The following NOS1 variants were observed in gnomAD, a reference collection of about 807,000 sequenced individuals.
NOS1 encodes the protein nitric oxide synthase 1.
Under a neutral mutation model 164.5 loss-of-function variants are expected in NOS1, and 51 were observed. That is an observed-to-expected ratio of 0.31 (90% CI 0.25 to 0.39). The LOEUF (loss-of-function observed/expected upper bound fraction) is 0.39, where lower values mean the gene tolerates loss of function less well. NOS1 is among the 10% of genes least tolerant of loss of function. The pLI is 1.00. For missense variants in NOS1, 1,362 were observed against 1,885.6 expected (o/e 0.72, Z 5.14); for synonymous variants, 719 against 745.8 (o/e 0.96, Z 0.59).
In NOS1 at chr12:117,215,222, G is replaced by A. The variant is rs574125138; in HGVS notation, c.*87C>T. The A allele has an allele frequency of 6.4e-6, 9 of 1,403,158 alleles. No homozygotes were observed. Among genetic ancestry groups the A allele is most frequent in the East Asian group, 5.2e-5 (2 of 38,550 alleles). 86.9% of individuals were successfully genotyped at this position (1,403,158 alleles called of 1,614,324 possible). A position where few individuals can be genotyped will look rare whatever the true frequency, so the allele number is the denominator to read the frequency against. On this transcript the variant is annotated 3_prime_UTR_variant, in exon 29 of 29. Coordinates refer to ENST00000317775, the MANE Select transcript of NOS1 (RefSeq NM_000620.5). ...CAGCGACAAGGACAGGAGGCAGAGC[G>A]AGGGCCACAGGGGGTCCCAGAGGAA...
chr12:117,227,281 T>C (rs1399471286), intron 23 of NOS1, 150 bp downstream of exon 23: 3 of 734,330 alleles, frequency 4.1e-6, no homozygotes, highest in Non-Finnish European at 6.8e-6. Flanking sequence ...ACAGTTCACC[T>C]GCTGCTTCTT....
intron 1 of NOS1, among the ~76,000 whole-genome samples, chr12:117,359,649 C>A (rs921036319): frequency 1.3e-5 from 2 of 151,888 alleles, no homozygotes; most frequent in African/African-American, 4.8e-5. Context: ...TGGCTGCGTG[C>A]GCGCTTTTCT....
chr12:117,338,444 G>A (rs1201373215), intron 1 of NOS1, among the ~76,000 whole-genome samples: 1 of 135,504 alleles, frequency 7.4e-6, no homozygotes, highest in Non-Finnish European at 1.5e-5. Context: ...CACAGGAAGG[G>A]GAACATCACA....
rs113261678 is a variant in NOS1 at position 117,238,731 on chromosome 12, G to T, written c.3041+3896C>A. ...AGGGTTTCACCATGCTGGCCAGACT[G>T]GTCTCAAACTCCTGACCTCATGATC... On this transcript the variant is annotated intron_variant, in intron 20 of 28. Coordinates refer to ENST00000317775, the MANE Select transcript of NOS1 (RefSeq NM_000620.5). Among the ~76,000 whole-genome samples, 73 of 152,042 alleles carry T rather than the reference G, an allele frequency of 4.8e-4. 1 individual carries two copies. The highest frequency in any genetic ancestry group is 2.1e-4 in the Non-Finnish European group (14 of 68,012).
At chr12:117,226,264 A>G (rs1213235886) in intron 24 of NOS1, among the ~76,000 whole-genome samples, 2 of 152,184 alleles carry the variant, frequency 1.3e-5, no homozygotes, top group Admixed American at 1.3e-4. Flanking sequence ...TTACAGCTGA[A>G]TTTGGGAGGA....
At position 117,321,073 on chromosome 12, in the gene NOS1, G is replaced by A. The variant is rs575661705; in HGVS notation, c.725+9272C>T. On this transcript the variant is annotated intron_variant, in intron 2 of 28. Coordinates refer to ENST00000317775, the MANE Select transcript of NOS1 (RefSeq NM_000620.5). The stretch of plus-strand genomic sequence containing the variant: ...TGCCCAGGCTGGAGTGCGGTGGCAC[G>A]GTCTCGGCTCACGGCAGCCTCTGCC... Among the ~76,000 whole-genome samples the A allele has an allele frequency of 1.5e-3, 229 of 152,250 alleles. 1 individual carries two copies. The Middle Eastern group carries it at 0.021, about 14-fold the overall frequency.
At chr12:117,327,576 C>T (rs1272541537) in intron 2 of NOS1, among the ~76,000 whole-genome samples, 2 of 152,158 alleles carry the variant, frequency 1.3e-5, no homozygotes, top group Non-Finnish European at 2.9e-5. Context: ...CTTCAAATCT[C>T]CCCCAGCCAG....
intron 17 of NOS1, among the ~76,000 whole-genome samples, chr12:117,247,871 G>A (rs1280565724): frequency 2.6e-5 from 4 of 151,364 alleles, no homozygotes; most frequent in African/African-American, 9.7e-5. Context: ...GTGTGAACCC[G>A]GGAGGCGGAG....
At chr12:117,344,135 A>G (rs992008857) in intron 1 of NOS1, among the ~76,000 whole-genome samples, 10 of 152,250 alleles carry the variant, frequency 6.6e-5, no homozygotes, top group African/African-American at 2.4e-4. Context: ...AACTAGTACC[A>G]AGGACAGGAG....
At chr12:117,319,779 C>T (rs1174977922) in intron 2 of NOS1, among the ~76,000 whole-genome samples, 1 of 152,210 alleles carries the variant, frequency 6.6e-6, no homozygotes. Context: ...TTGAGTTCCT[C>T]TCTTTGGAGG....
intron 11 of NOS1, among the ~76,000 whole-genome samples, chr12:117,265,795 T>C (rs749305084): frequency 7.2e-5 from 11 of 151,836 alleles, no homozygotes; most frequent in Non-Finnish European, 1.6e-4. Context: ...TCTTTCTTTC[T>C]TTTTCTTTTT....
chr12:117,267,741 C>T (rs1872526639), intron 11 of NOS1, among the ~76,000 whole-genome samples: 1 of 152,080 alleles, frequency 6.6e-6, no homozygotes, highest in Admixed American at 6.6e-5. Flanking sequence ...TAGTCTGAGG[C>T]CCTAAGAGAT....
At chr12:117,298,061 G>A (rs760888501) in intron 3 of NOS1, among the ~76,000 whole-genome samples, 6 of 151,980 alleles carry the variant, frequency 3.9e-5, no homozygotes, top group Non-Finnish European at 7.4e-5. Context: ...TACATTGATC[G>A]TGTGCACTAT....
intron 2 of NOS1, among the ~76,000 whole-genome samples, chr12:117,314,050 G>C (rs11836446): frequency 1.3e-5 from 2 of 152,112 alleles, no homozygotes; most frequent in Admixed American, 6.6e-5. Context: ...CTGAGAGCAC[G>C]ATCCCCAGTG....
At chr12:117,323,998 C>T (rs1365569714) in intron 2 of NOS1, among the ~76,000 whole-genome samples, 5 of 151,772 alleles carry the variant, frequency 3.3e-5, no homozygotes, top group South Asian at 2.1e-4. Context: ...CCATGTTGGC[C>T]AGGCTGACCT....
intron 1 of NOS1, among the ~76,000 whole-genome samples, chr12:117,333,669 C>T (rs1373846719): frequency 4.6e-5 from 7 of 152,304 alleles, no homozygotes; most frequent in Admixed American, 2.0e-4. Context: ...CTCCATCTGG[C>T]GTTGCTCTGT....
chr12:117,320,095 C>T lies in NOS1; in HGVS notation c.726-8503G>A, dbSNP rs1161096478. Among the ~76,000 whole-genome samples the T allele has an allele frequency of 2.0e-5, 3 of 152,160 alleles. No homozygotes were observed. In the East Asian group the frequency reaches 5.8e-4, roughly 29 times the overall value. On this transcript the variant is annotated intron_variant, in intron 2 of 28. Coordinates refer to ENST00000317775, the MANE Select transcript of NOS1 (RefSeq NM_000620.5). Reference sequence around the variant, plus strand: ...GCAACAGAGACAGCCATTGGTTAGCCCAGGGCCGGGCCACAGCATTGCTCA... The same window carrying T: ...GCAACAGAGACAGCCATTGGTTAGCTCAGGGCCGGGCCACAGCATTGCTCA...
chr12:117,255,822 C>T lies in NOS1; in HGVS notation c.2532-2068G>A, dbSNP rs529673816. 3.4e-4 allele frequency: 181 copies of T among 527,602 alleles called. 2 individuals carry two copies. In the South Asian group the frequency reaches 0.011, roughly 32 times the overall value. The allele number at this position is 527,602 out of a possible 1,614,324, so 32.7% of individuals were successfully genotyped here. On this transcript the variant is annotated intron_variant, in intron 16 of 28. Coordinates refer to ENST00000317775, the MANE Select transcript of NOS1 (RefSeq NM_000620.5). ...CACTTAGTGAGTTAGTGACACAGCT[C>T]AGGTTAGAACTCGGATCTCCTTGAG...
chr12:117,320,760 G>C (rs1874878873), intron 2 of NOS1, among the ~76,000 whole-genome samples: 1 of 152,108 alleles, frequency 6.6e-6, no homozygotes, highest in African/African-American at 2.4e-5. Context: ...CGAGCTTTCT[G>C]TCCTTTGCAC....
Sources: allele counts gnomAD v4.1 joint callset (sites outside exome capture counted in the v4.1 genomes callset), GRCh38; gene constraint gnomAD v4.1.1; transcripts MANE v1.5; gene names NCBI Gene and HGNC (gene_info 2026-07-23, HGNC 2026-07-21).